The following CPA4 variants were observed in gnomAD, a reference collection of about 807,000 sequenced individuals.
The protein encoded by CPA4 is carboxypeptidase A3.
A neutral mutation model predicts 54.7 loss-of-function variants in CPA4; 49 were observed. The observed-to-expected ratio is 0.90, with a 90% CI of 0.71 to 1.14. The LOEUF is 1.14. Among genes scored for constraint, CPA4 ranks in the 50% most tolerant of loss-of-function variants. CPA4 has a pLI of 0.00. For missense variants in CPA4, 487 were observed against 525.1 expected (o/e 0.93, Z 0.71); for synonymous variants, 215 against 206.8 (o/e 1.04, Z -0.34).
chr7:130,300,856 A>G lies in CPA4; in HGVS notation c.326A>G (p.Glu109Gly). 1 of 1,614,042 alleles carries G rather than the reference A, an allele frequency of 6.2e-7. No homozygotes were observed. The highest frequency in any genetic ancestry group is 8.5e-7 in the Non-Finnish European group (1 of 1,179,874). ...GAAGATGATGAAATGCAACACAATGAAGGGCAAGAACGGAGCAGTAATAAC... is the reference window on the plus strand; with the variant it reads ...GAAGATGATGAAATGCAACACAATGGAGGGCAAGAACGGAGCAGTAATAAC... ...DNEDDEMQHN[E>G]GQERSSNNFN... Residue 109 changes from glutamate to glycine, a missense_variant, in exon 4 of 11, where the codon GAA becomes GGA. Coordinates refer to ENST00000222482, the MANE Select transcript of CPA4 (RefSeq NM_016352.4).
Position 130,312,132 on chromosome 7 carries a change from C to G in CPA4, c.1078+10C>G, listed in dbSNP as rs756494169. On this transcript the variant is annotated intron_variant, in intron 10 of 10. Coordinates refer to ENST00000222482, the MANE Select transcript of CPA4 (RefSeq NM_016352.4). Reference sequence around the variant, plus strand: ...ACCTGCACCACTGTCTGTAAGTACTCGCTTATTTATGAGTTATTTAGAAAG... The same window carrying G: ...ACCTGCACCACTGTCTGTAAGTACTGGCTTATTTATGAGTTATTTAGAAAG... The G allele has an allele frequency of 1.9e-6, 3 of 1,596,740 alleles. No individual in the cohort carries two copies. The highest frequency in any genetic ancestry group is 2.6e-6 in the Non-Finnish European group (3 of 1,164,196).
chr7:130,313,393 T>G (rs1793941993), intron 10 of CPA4, among the ~76,000 whole-genome samples: 1 of 152,208 alleles, frequency 6.6e-6, no homozygotes, highest in Admixed American at 6.5e-5. Context: ...TTTTTAAAAG[T>G]TTTTCAGCAG....
At position 130,322,634 on chromosome 7, in the gene CPA4, G is replaced by A. The variant is rs144831050; in HGVS notation, c.1224G>A (p.Gly408=). Residue 408 remains glycine, a synonymous_variant, in exon 11 of 11, where the codon GGG becomes GGA. Transcript: ENST00000222482. ...CCACTGCAGAGGAGACGTGGCTGGG[G>A]CTGAAGACCATCATGGAGCATGTGC... The part of the protein sequence containing the change: ...IIPTAEETWL[G]LKTIMEHVRD... 5.6e-6 allele frequency: 9 copies of A among 1,614,040 alleles called. No individual in the cohort carries two copies. Among genetic ancestry groups the A allele is most frequent in the African/African-American group, 1.3e-5 (1 of 74,914 alleles).
At chr7:130,299,501 T>G in intron 3 of CPA4, 97 bp downstream of exon 3, 1 of 1,163,710 alleles carries the variant, frequency 8.6e-7, no homozygotes, top group Non-Finnish European at 1.2e-6. Flanking sequence ...GTTTTATCCT[T>G]TTCTATTTTA....
intron 10 of CPA4, among the ~76,000 whole-genome samples, chr7:130,319,943 C>T (rs1436238418): frequency 6.6e-6 from 1 of 152,084 alleles, no homozygotes; most frequent in Admixed American, 6.6e-5. Context: ...ACAGTCCCTC[C>T]CTGTGTTTGG....
At chr7:130,321,131 G>T (rs893027726) in intron 10 of CPA4, among the ~76,000 whole-genome samples, 1 of 152,188 alleles carries the variant, frequency 6.6e-6, no homozygotes, top group Non-Finnish European at 1.5e-5. Context: ...GGAGGTCAAG[G>T]CTGCAGTAAG....
At chr7:130,313,954 C>A (rs891914575) in intron 10 of CPA4, among the ~76,000 whole-genome samples, 1 of 152,174 alleles carries the variant, frequency 6.6e-6, no homozygotes, top group Admixed American at 6.5e-5. Flanking sequence ...CAGGGAGACA[C>A]CCACTATGGT....
chr7:130,299,609 C>T (rs1793708410), intron 3 of CPA4: 1 of 542,574 alleles, frequency 1.8e-6, no homozygotes, highest in Non-Finnish European at 3.3e-6. Context: ...CAGGGAACCA[C>T]ACAGATTTGG....
chr7:130,307,631 G>GA lies in CPA4; in HGVS notation c.703-658dup, dbSNP rs777184935. 5.0e-3 allele frequency among the ~76,000 whole-genome samples: 557 copies of GA among 112,102 alleles called. 8 individuals are homozygous for GA. The highest frequency in any genetic ancestry group is 7.1e-3 in the Non-Finnish European group (378 of 53,240). The allele number at this position is 112,102 out of a possible 152,430, so 73.5% of individuals were successfully genotyped here. ...GGCGACAGGGCAAGACTCCATCTCA[G>GA]AAAAAAAAAAAAAAAAAAGTGTTTT... is the stretch of plus-strand genomic sequence containing the variant. On this transcript the variant is annotated intron_variant, in intron 7 of 10. Coordinates refer to ENST00000222482, the MANE Select transcript of CPA4 (RefSeq NM_016352.4).
chr7:130,308,283 T>A, intron 7 of CPA4, 24 bp from the exon 8 acceptor site: 1 of 1,602,936 alleles, frequency 6.2e-7, no homozygotes. Flanking sequence ...TGGTTGTTTG[T>A]CCCCTCCTTG....
intron 10 of CPA4, among the ~76,000 whole-genome samples, chr7:130,313,091 G>T (rs1048673753): frequency 6.6e-6 from 1 of 152,154 alleles, no homozygotes; most frequent in Non-Finnish European, 1.5e-5. Context: ...AGGATGAAGG[G>T]CAGCATGTTC....
At chr7:130,311,484 CT>C (rs1446093350) in intron 9 of CPA4, among the ~76,000 whole-genome samples, 1 of 152,206 alleles carries the variant, frequency 6.6e-6, no homozygotes, top group Non-Finnish European at 1.5e-5. Context: ...GATGCAGCCC[CT>C]CCCAGGCTCA....
chr7:130,318,515 G>T (rs943184260), intron 10 of CPA4, among the ~76,000 whole-genome samples: 3 of 152,098 alleles, frequency 2.0e-5, no homozygotes, highest in African/African-American at 7.2e-5. Context: ...AGGTTCAAGC[G>T]ATTCCCCTGC....
chr7:130,298,647 G>T, intron 1 of CPA4, 99 bp from the exon 2 acceptor site: 1 of 719,402 alleles, frequency 1.4e-6, no homozygotes, highest in Non-Finnish European at 2.5e-6. Flanking sequence ...CCTTTCTTTT[G>T]GCCTGGTTAC....
At chr7:130,294,474 C>A (rs149378831) in intron 1 of CPA4, among the ~76,000 whole-genome samples, 1 of 152,164 alleles carries the variant, frequency 6.6e-6, no homozygotes, top group African/African-American at 2.4e-5. Context: ...TTCCCACAGG[C>A]GGCTCAGCAG....
At chr7:130,304,105 A>G (rs565440927) in intron 4 of CPA4, among the ~76,000 whole-genome samples, 13 of 152,194 alleles carry the variant, frequency 8.5e-5, no homozygotes, top group Middle Eastern at 3.4e-3. Context: ...GCCTCAAGCA[A>G]TCCTCCCGCC....
intron 1 of CPA4, among the ~76,000 whole-genome samples, chr7:130,296,816 T>C (rs571991376): frequency 6.7e-6 from 1 of 149,452 alleles, no homozygotes; most frequent in Admixed American, 6.8e-5. Context: ...GCCTCCCAAG[T>C]ATAGAATCCC....
chr7:130,317,747 G>A (rs1057237867), intron 10 of CPA4, among the ~76,000 whole-genome samples: 1 of 152,258 alleles, frequency 6.6e-6, no homozygotes. Flanking sequence ...GATTACAGGC[G>A]TGAGCCACCT....
At position 130,310,246 on chromosome 7, in the gene CPA4, GCACACACACACGTATGCACGTGTGCA is replaced by G. The variant is rs1405748507; in HGVS notation, c.794-531_794-506del. On this transcript the variant is annotated intron_variant, in intron 8 of 10. Coordinates refer to ENST00000222482, the MANE Select transcript of CPA4 (RefSeq NM_016352.4). This position sits in a 1 kb window ranked among gnomAD's most constrained non-coding sequence, Gnocchi z 4.3. ...CAGTCACATTCATACACACACACAC[GCACACACACACGTATGCACGTGTGCA>G]CACACACACCCTAGAAACCCGAGGG... 3.3e-5 allele frequency among the ~76,000 whole-genome samples: 5 copies of G among 150,920 alleles called. No homozygotes were observed. Among genetic ancestry groups the G allele is most frequent in the Middle Eastern group, 3.4e-3 (1 of 294 alleles).
Sources: allele counts gnomAD v4.1 joint callset (sites outside exome capture counted in the v4.1 genomes callset), GRCh38; gene constraint gnomAD v4.1.1; non-coding constraint Gnocchi (gnomAD v3.1); transcripts MANE v1.5; gene names NCBI Gene and HGNC (gene_info 2026-07-23, HGNC 2026-07-21).